KCNS3: variants seen among roughly 807,000 people sequenced by gnomAD.
KCNS3 encodes the protein delayed-rectifier potassium channel regulatory subunit KCNS3.
In KCNS3, 13 loss-of-function variants were observed where a neutral mutation model predicts 31.0. The ratio of observed to expected loss-of-function variants is 0.42; its 90% CI spans 0.27 to 0.67. KCNS3 has a LOEUF of 0.67. Among genes scored for constraint, KCNS3 ranks in the 30% least tolerant of loss-of-function variants. The pLI is 0.25. For missense variants in KCNS3, 545 were observed against 622.4 expected (o/e 0.88, Z 1.32); for synonymous variants, 238 against 241.5 (o/e 0.99, Z 0.13).
intron 1 of KCNS3, among the ~76,000 whole-genome samples, chr2:17,890,203 A>T (rs1315908904): frequency 6.6e-6 from 1 of 152,114 alleles, no homozygotes; most frequent in African/African-American, 2.4e-5. Context: ...CTTCTAGTTT[A>T]TGTGAGTAAA....
intron 1 of KCNS3, among the ~76,000 whole-genome samples, chr2:17,897,540 C>T (rs1357311458): frequency 6.6e-6 from 1 of 152,226 alleles, no homozygotes; most frequent in African/African-American, 2.4e-5. Context: ...CAGCATTTCT[C>T]TGATCATCGG....
chr2:17,932,021 T>C lies in KCNS3; in HGVS notation c.1013T>C (p.Phe338Ser), dbSNP rs1478741339. 6.2e-7 allele frequency: 1 copy of C among 1,614,050 alleles called. No individual in the cohort carries two copies. Among genetic ancestry groups the C allele is most frequent in the African/African-American group, 1.3e-5 (1 of 74,910 alleles). The stretch of plus-strand genomic sequence containing the variant: ...TTCCTCTCTGTGGGCATTTCCATTT[T>C]CTCTGTGCTTATCTACTCCGTGGAG... Reference protein sequence around the residue: ...LLFLSVGISIFSVLIYSVEKD... With the variant: ...LLFLSVGISISSVLIYSVEKD... The change falls in exon 3 of 3, where the codon TTC (phenylalanine) becomes TCC (serine). Residue 338 changes from phenylalanine (F) to serine (S), a missense_variant. Phe to Ser is a radical substitution (Grantham distance 155, BLOSUM62 -2). Coordinates refer to ENST00000304101, the MANE Select transcript of KCNS3 (RefSeq NM_002252.5).
intron 1 of KCNS3, among the ~76,000 whole-genome samples, chr2:17,908,847 G>A (rs58126519): frequency 0.032 from 4,929 of 152,306 alleles, 93 homozygotes; most frequent in African/African-American, 0.045. Flanking sequence ...GTACCCGGCC[G>A]TGTGAAGTGT....
At chr2:17,910,086 G>T (rs1240932394) in intron 1 of KCNS3, among the ~76,000 whole-genome samples, 1 of 152,206 alleles carries the variant, frequency 6.6e-6, no homozygotes, top group Non-Finnish European at 1.5e-5. Flanking sequence ...AAACCTACAG[G>T]ATGTAAAGGA....
intron 1 of KCNS3, among the ~76,000 whole-genome samples, chr2:17,906,034 T>C (rs1345418330): frequency 1.3e-5 from 2 of 152,220 alleles, no homozygotes; most frequent in Non-Finnish European, 2.9e-5. Flanking sequence ...TCAGAAGGAA[T>C]GGTACCAGCT....
rs558020356 is a variant in KCNS3 at position 17,907,334 on chromosome 2, A to G, written c.-251-10346A>G. 4.9e-4 allele frequency among the ~76,000 whole-genome samples: 75 copies of G among 152,066 alleles called. 3 individuals carry two copies. The South Asian group carries it at 8.5e-3, about 17-fold the overall frequency. ...TTGGTAGATCTTCCTCCATCCCTTTATTTTGAGCCTATGTGTGTCTCTGCA... is the reference window on the plus strand; with the variant it reads ...TTGGTAGATCTTCCTCCATCCCTTTGTTTTGAGCCTATGTGTGTCTCTGCA... On this transcript the variant is annotated intron_variant, in intron 1 of 2. Transcript: ENST00000304101.
intron 1 of KCNS3, among the ~76,000 whole-genome samples, chr2:17,901,902 G>C (rs143510483): frequency 1.3e-5 from 2 of 152,344 alleles, no homozygotes; most frequent in Non-Finnish European, 2.9e-5. Context: ...CAGTTGGCCA[G>C]TGCCCTCCTT....
At chr2:17,904,127 C>T (rs1220053029) in intron 1 of KCNS3, among the ~76,000 whole-genome samples, 1 of 152,196 alleles carries the variant, frequency 6.6e-6, no homozygotes, top group East Asian at 1.9e-4. Context: ...CTGTGGTTTC[C>T]TGAACTTTTT....
chr2:17,932,627 G>A lies in KCNS3; in HGVS notation c.*143G>A. 3 of 807,734 alleles carry A rather than the reference G, an allele frequency of 3.7e-6. No homozygotes were observed. The highest frequency in any genetic ancestry group is 5.8e-6 in the Non-Finnish European group (3 of 521,428). 50.0% of individuals were successfully genotyped at this position (807,734 alleles called of 1,614,324 possible). A position where few individuals can be genotyped will look rare whatever the true frequency, so the allele number is the denominator to read the frequency against. On this transcript the variant is annotated 3_prime_UTR_variant, in exon 3 of 3. Transcript: ENST00000304101. ...AGTTGGACATTCATTGCTGAATTCT[G>A]AAATGATAGAATTGTCTTTATTTTT...
chr2:17,897,347 A>G (rs1170942104), intron 1 of KCNS3, among the ~76,000 whole-genome samples: 2 of 152,236 alleles, frequency 1.3e-5, no homozygotes, highest in East Asian at 1.9e-4. Context: ...TTAGACCATG[A>G]AGAACATACA....
intron 1 of KCNS3, among the ~76,000 whole-genome samples, chr2:17,905,521 G>T (rs1006761771): frequency 7.2e-5 from 11 of 152,248 alleles, no homozygotes; most frequent in Admixed American, 3.3e-4. Context: ...GTGAGAGAGG[G>T]CATCCCTGTC....
chr2:17,902,732 G>A (rs983181283), intron 1 of KCNS3, among the ~76,000 whole-genome samples: 4 of 152,120 alleles, frequency 2.6e-5, no homozygotes, highest in African/African-American at 4.8e-5. Flanking sequence ...GATTTGCCAC[G>A]TACACTTACT....
intron 1 of KCNS3, among the ~76,000 whole-genome samples, chr2:17,891,242 G>A (rs1380971613): frequency 2.0e-5 from 3 of 152,096 alleles, no homozygotes; most frequent in African/African-American, 4.8e-5. Flanking sequence ...CTCACTTTTG[G>A]TGTCCATTTG....
intron 1 of KCNS3, among the ~76,000 whole-genome samples, chr2:17,916,317 A>G (rs1458713290): frequency 6.6e-6 from 1 of 152,114 alleles, no homozygotes; most frequent in African/African-American, 2.4e-5. Flanking sequence ...TGACCCAAGG[A>G]CATGCCACTG....
At chr2:17,888,511 C>A (rs1661744660) in intron 1 of KCNS3, among the ~76,000 whole-genome samples, 1 of 150,628 alleles carries the variant, frequency 6.6e-6, no homozygotes, top group South Asian at 2.1e-4. Flanking sequence ...AGGAGATATA[C>A]CTAATGTAAA....
chr2:17,918,760 T>G (rs556192876), intron 2 of KCNS3, among the ~76,000 whole-genome samples: 1 of 152,336 alleles, frequency 6.6e-6, no homozygotes, highest in African/African-American at 2.4e-5. Context: ...TTGTGGGGAA[T>G]AAGGAGAATT....
chr2:17,913,607 A>C (rs971785741), intron 1 of KCNS3, among the ~76,000 whole-genome samples: 3 of 152,244 alleles, frequency 2.0e-5, no homozygotes, highest in Non-Finnish European at 4.4e-5. Context: ...GCCATGACTG[A>C]ATTCTAAAAG....
chr2:17,932,714 T>C lies in KCNS3; in HGVS notation c.*230T>C. ...TATTTTTTACAAGAGAGAGTTGTGATATAGTTTGGAATATAAGATAAATGG... is the reference window on the plus strand; with the variant it reads ...TATTTTTTACAAGAGAGAGTTGTGACATAGTTTGGAATATAAGATAAATGG... On this transcript the variant is annotated 3_prime_UTR_variant, in exon 3 of 3. Transcript: ENST00000304101. 2.1e-6 allele frequency: 1 copy of C among 481,574 alleles called. No homozygotes were observed. The highest frequency in any genetic ancestry group is 3.3e-5 in the South Asian group (1 of 30,574). The allele number at this position is 481,574 out of a possible 1,614,324, so 29.8% of individuals were successfully genotyped here.
intron 1 of KCNS3, among the ~76,000 whole-genome samples, chr2:17,892,910 C>T (rs1468946184): frequency 6.6e-6 from 1 of 152,196 alleles, no homozygotes; most frequent in Non-Finnish European, 1.5e-5. Context: ...TACTGGTTGG[C>T]CGCCTGCCAG....
Sources: allele counts gnomAD v4.1 joint callset (sites outside exome capture counted in the v4.1 genomes callset), GRCh38; gene constraint gnomAD v4.1.1; transcripts MANE v1.5; gene names NCBI Gene and HGNC (gene_info 2026-07-23, HGNC 2026-07-21).